The following PRKG1 variants were observed in gnomAD, a reference collection of about 807,000 sequenced individuals.
PRKG1 encodes cGMP-dependent protein kinase 1.
In PRKG1, 35 loss-of-function variants were observed where a neutral mutation model predicts 88.1. The ratio of observed to expected loss-of-function variants is 0.40; its 90% CI spans 0.30 to 0.53. PRKG1 has a LOEUF of 0.53. Among genes scored for constraint, PRKG1 ranks in the 20% least tolerant of loss-of-function variants. The probability of loss-of-function intolerance (pLI) is 0.59; values close to 1 mark genes in which losing one functional copy is unlikely to be tolerated. For synonymous variants in PRKG1, 303 were observed against 292.5 expected, an observed-to-expected ratio of 1.04 and a Z score of -0.37; for missense variants, 540 against 839.8, an observed-to-expected ratio of 0.64 and a Z score of 4.41.
intron 1 of PRKG1, among the ~76,000 whole-genome samples, chr10:51,106,714 A>C (rs1381569324): frequency 6.6e-6 from 1 of 152,168 alleles, no homozygotes; most frequent in Non-Finnish European, 1.5e-5. Context: ...GGAATAGAAA[A>C]ACAAATTAAG....
chr10:51,115,410 CAGAGAGAGAG>C (rs10599349), intron 1 of PRKG1, among the ~76,000 whole-genome samples: 6 of 111,988 alleles, frequency 5.4e-5, no homozygotes, highest in Admixed American at 9.9e-5. Flanking sequence ...GGGGGAGAGA[CAGAGAGAGAG>C]AGAGAGAGAG....
chr10:51,704,246 C>CAGATAGATAGAT lies in PRKG1; in HGVS notation c.593-100336_593-100335insTAGATAGATAGA, dbSNP rs1464008954. ...GATAGATGATAGATAGACAGACAGA[C>CAGATAGATAGAT]AGACAGATAGATAGATAGATAGATA... On this transcript the variant is annotated intron_variant, in intron 3 of 17. Transcript: ENST00000373980. Among the ~76,000 whole-genome samples the CAGATAGATAGAT allele has an allele frequency of 2.9e-3, 435 of 150,650 alleles. 2 individuals are homozygous for CAGATAGATAGAT. The highest frequency in any genetic ancestry group is 9.7e-3 in the African/African-American group (397 of 40,824).
At chr10:51,167,509 T>A (rs1846580693) in intron 2 of PRKG1, among the ~76,000 whole-genome samples, 1 of 152,178 alleles carries the variant, frequency 6.6e-6, no homozygotes, top group African/African-American at 2.4e-5. Context: ...CTGATTTATG[T>A]TTTATGAGTA....
chr10:51,010,220 C>A (rs1196396707), intron 1 of PRKG1, among the ~76,000 whole-genome samples: 5 of 152,216 alleles, frequency 3.3e-5, no homozygotes, highest in African/African-American at 7.2e-5. Context: ...TACTACCCAG[C>A]GTAAATCATT....
In PRKG1 at chr10:51,152,993, TG is replaced by T. The variant is rs75959880; in HGVS notation, c.312-170del. On this transcript the variant is annotated intron_variant, in intron 1 of 17. Transcript: ENST00000373980. ...CTTAGTGCCTTTTTTTTTTTTTTTTTGTTTTGCTGCCATGGACATACTTTGT... is the reference window on the plus strand; with the variant it reads ...CTTAGTGCCTTTTTTTTTTTTTTTTTTTTTGCTGCCATGGACATACTTTGT... Among the ~76,000 whole-genome samples, 4,172 of 142,660 alleles carry T rather than the reference TG, an allele frequency of 0.029. 184 individuals carry two copies. The highest frequency in any genetic ancestry group is 0.056 in the African/African-American group (2,118 of 37,970). 93.6% of individuals were successfully genotyped at this position (142,660 alleles called of 152,430 possible).
At chr10:51,851,464 C>T (rs1340172673) in intron 4 of PRKG1, among the ~76,000 whole-genome samples, 1 of 152,168 alleles carries the variant, frequency 6.6e-6, no homozygotes, top group Non-Finnish European at 1.5e-5. Flanking sequence ...CCAAAACCAT[C>T]AACAGTGTTG....
chr10:51,825,303 T>C (rs935190588), intron 4 of PRKG1, among the ~76,000 whole-genome samples: 1 of 152,162 alleles, frequency 6.6e-6, no homozygotes, highest in Non-Finnish European at 1.5e-5. Flanking sequence ...TGCATGATTT[T>C]TGCTGTTTTC....
chr10:51,953,764 T>C (rs1193128487), intron 5 of PRKG1, among the ~76,000 whole-genome samples: 3 of 152,106 alleles, frequency 2.0e-5, no homozygotes, highest in Admixed American at 6.6e-5. Flanking sequence ...AAAACGTAAG[T>C]GGTGTAGTAC....
intron 5 of PRKG1, among the ~76,000 whole-genome samples, chr10:51,919,215 C>A (rs1286717066): frequency 6.6e-6 from 1 of 152,120 alleles, no homozygotes; most frequent in Non-Finnish European, 1.5e-5. Context: ...AGTCTGTTTC[C>A]TGGTAGATAA....
rs145500189 is a variant in PRKG1 at position 52,200,699 on chromosome 10, A to G, written c.1076+38736A>G. On this transcript the variant is annotated intron_variant, in intron 9 of 17. Coordinates refer to ENST00000373980, the MANE Select transcript of PRKG1 (RefSeq NM_006258.4). Reference sequence around the variant, plus strand: ...AGCAGCGTGTAAGTGTTCCCTTTTCACCACAACCTCACCAGCATGTTATTT... The same window carrying G: ...AGCAGCGTGTAAGTGTTCCCTTTTCGCCACAACCTCACCAGCATGTTATTT... 5.8e-3 allele frequency among the ~76,000 whole-genome samples: 881 copies of G among 152,130 alleles called. 28 individuals carry two copies. Among genetic ancestry groups the G allele is most frequent in the Admixed American group, 0.049 (753 of 15,264 alleles).
chr10:51,945,711 A>G (rs1177016184), intron 5 of PRKG1, among the ~76,000 whole-genome samples: 1 of 148,374 alleles, frequency 6.7e-6, no homozygotes, highest in African/African-American at 2.5e-5. Context: ...TCCTTCACTT[A>G]TGAAGCTTAG....
chr10:51,591,801 A>G (rs957918166), intron 3 of PRKG1, among the ~76,000 whole-genome samples: 5 of 152,172 alleles, frequency 3.3e-5, no homozygotes, highest in African/African-American at 1.2e-4. Context: ...TATAAAAAAC[A>G]TTTCTGATTT....
chr10:51,049,444 G>C (rs1683870376), intron 1 of PRKG1, among the ~76,000 whole-genome samples: 1 of 152,042 alleles, frequency 6.6e-6, no homozygotes, highest in African/African-American at 2.4e-5. Context: ...ACTGATTTGG[G>C]GGAATTATTC....
chr10:51,152,253 A>T (rs1846090677), intron 1 of PRKG1, among the ~76,000 whole-genome samples: 1 of 152,092 alleles, frequency 6.6e-6, no homozygotes, highest in African/African-American at 2.4e-5. Context: ...AAATTTATGA[A>T]TATGTTTCCT....
At chr10:52,146,599 T>C (rs1017269500) in intron 8 of PRKG1, among the ~76,000 whole-genome samples, 4 of 152,200 alleles carry the variant, frequency 2.6e-5, no homozygotes, top group Non-Finnish European at 4.4e-5. Context: ...ATAATTCTAT[T>C]TTCAAAGCCT....
chr10:51,616,965 G>A (rs776137199), intron 3 of PRKG1, among the ~76,000 whole-genome samples: 4 of 152,102 alleles, frequency 2.6e-5, no homozygotes, highest in Admixed American at 6.5e-5. Context: ...AGGACAGTAG[G>A]CCATCTGTTG....
chr10:51,759,323 A>G (rs1347960764), intron 3 of PRKG1, among the ~76,000 whole-genome samples: 1 of 151,348 alleles, frequency 6.6e-6, no homozygotes, highest in Non-Finnish European at 1.5e-5. Context: ...CTGGAGTGTG[A>G]TGGTGCGATC....
chr10:51,694,103 C>T (rs1490918819), intron 3 of PRKG1, among the ~76,000 whole-genome samples: 1 of 152,076 alleles, frequency 6.6e-6, no homozygotes, highest in African/African-American at 2.4e-5. Context: ...TAAGCTTCAA[C>T]CAGGAAAGTC....
At chr10:52,146,767 C>A (rs931593601) in intron 8 of PRKG1, among the ~76,000 whole-genome samples, 3 of 152,156 alleles carry the variant, frequency 2.0e-5, no homozygotes, top group Non-Finnish European at 4.4e-5. Flanking sequence ...CTGTGTTAAA[C>A]TTTACCCCTG....
Sources: allele counts gnomAD v4.1 joint callset (sites outside exome capture counted in the v4.1 genomes callset), GRCh38; gene constraint gnomAD v4.1.1; transcripts MANE v1.5; gene names NCBI Gene and HGNC (gene_info 2026-07-23, HGNC 2026-07-21).